The following SPMIP2 variants were observed in gnomAD, a reference collection of about 807,000 sequenced individuals.
SPMIP2 encodes protein SPMIP2.
the SPMIP2 span, among the ~76,000 whole-genome samples, chr4:158,980,020 G>A: frequency 3.3e-3 from 495 of 152,152 alleles, 3 homozygotes; most frequent in African/African-American, 0.011. Context: ...GTTTGGTGGG[G>A]AGGGGTATCC....
chr4:158,982,490 C>A, the SPMIP2 span, among the ~76,000 whole-genome samples: 1 of 152,282 alleles, frequency 6.6e-6, no homozygotes, highest in South Asian at 2.1e-4. Context: ...CACTCCTCAG[C>A]AAATGCAAAA....
the SPMIP2 span, chr4:159,064,339 A>C: frequency 1.3e-5 from 2 of 152,240 alleles, no homozygotes; most frequent in African/African-American, 2.4e-5. Flanking sequence ...GAGAAAGAGT[A>C]GAACAAGGAG....
At chr4:158,956,888 G>A in the SPMIP2 span, among the ~76,000 whole-genome samples, 1 of 152,072 alleles carries the variant, frequency 6.6e-6, no homozygotes, top group Non-Finnish European at 1.5e-5. Flanking sequence ...CTCAAGATGG[G>A]CCTGTAAAAA....
chr4:158,936,464 G>A, the SPMIP2 span, among the ~76,000 whole-genome samples: 6 of 152,180 alleles, frequency 3.9e-5, no homozygotes, highest in Admixed American at 2.6e-4. Context: ...TTAAAAGCAC[G>A]ACCTGTTTCC....
chr4:158,982,377 A>G, the SPMIP2 span, among the ~76,000 whole-genome samples: 1 of 152,208 alleles, frequency 6.6e-6, no homozygotes, highest in East Asian at 1.9e-4. Flanking sequence ...AGCAGACCTA[A>G]CAGACATCCA....
At chr4:158,990,805 A>T in the SPMIP2 span, among the ~76,000 whole-genome samples, 4 of 152,202 alleles carry the variant, frequency 2.6e-5, no homozygotes, top group African/African-American at 9.6e-5. Context: ...TGGTGGGTGC[A>T]GCAAACCACC....
the SPMIP2 span, among the ~76,000 whole-genome samples, chr4:159,037,573 G>A: frequency 6.6e-6 from 1 of 151,792 alleles, no homozygotes. Flanking sequence ...GAGCCCAGGA[G>A]TTTGAAACTA....
chr4:159,009,660 T>A, the SPMIP2 span, among the ~76,000 whole-genome samples: 4 of 152,232 alleles, frequency 2.6e-5, no homozygotes, highest in South Asian at 8.3e-4. Flanking sequence ...ATTGAGAGGC[T>A]CTCATAAGGG....
At chr4:159,048,731 C>CTTTTTTTTTT in the SPMIP2 span, among the ~76,000 whole-genome samples, 1 of 111,470 alleles carries the variant, frequency 9.0e-6, no homozygotes, top group Admixed American at 9.8e-5. Context: ...TCCCCTTCCA[C>CTTTTTTTTTT]TTTTTTTTTT....
chr4:159,001,229 T>A, the SPMIP2 span, among the ~76,000 whole-genome samples: 2 of 152,160 alleles, frequency 1.3e-5, no homozygotes, highest in African/African-American at 2.4e-5. Context: ...TAATTTGCAA[T>A]CTCTAATGAC....
chr4:158,991,997 T>G, the SPMIP2 span, among the ~76,000 whole-genome samples: 1 of 152,200 alleles, frequency 6.6e-6, no homozygotes, highest in Admixed American at 6.5e-5. Flanking sequence ...GCTCCAGGGA[T>G]CCTCCTGACT....
At chr4:159,080,137 T>C in the SPMIP2 span, among the ~76,000 whole-genome samples, 1 of 152,174 alleles carries the variant, frequency 6.6e-6, no homozygotes, top group Non-Finnish European at 1.5e-5. Context: ...TACAGACTTT[T>C]TCTCTCGCCT....
the SPMIP2 span, among the ~76,000 whole-genome samples, chr4:158,935,433 GACTCCT>G: frequency 1.1e-4 from 16 of 152,222 alleles, no homozygotes; most frequent in East Asian, 3.1e-3. Context: ...TAGTCATGTT[GACTCCT>G]TCCCTCAGTA....
chr4:159,012,350 C>T, the SPMIP2 span, among the ~76,000 whole-genome samples: 10 of 152,222 alleles, frequency 6.6e-5, no homozygotes, highest in East Asian at 5.8e-4. Context: ...TACATGATTA[C>T]GTGTAATGTG....
the SPMIP2 span, among the ~76,000 whole-genome samples, chr4:159,077,064 G>A: frequency 1.6e-4 from 24 of 152,112 alleles, no homozygotes; most frequent in Admixed American, 1.6e-3. Flanking sequence ...TCGAACTCCT[G>A]ACCTCAGGTG....
chr4:159,055,938 T>TA, the SPMIP2 span, among the ~76,000 whole-genome samples: 1 of 152,066 alleles, frequency 6.6e-6, no homozygotes, highest in South Asian at 2.1e-4. Context: ...CTCACAAATG[T>TA]AAATGTATGC....
At chr4:158,908,563 T>C in the SPMIP2 span, among the ~76,000 whole-genome samples, 2 of 152,230 alleles carry the variant, frequency 1.3e-5, no homozygotes, top group Non-Finnish European at 2.9e-5. Flanking sequence ...GAAAACTGCG[T>C]TTCCAATGGT....
chr4:159,077,117 C>A, the SPMIP2 span, among the ~76,000 whole-genome samples: 1 of 149,714 alleles, frequency 6.7e-6, no homozygotes, highest in Non-Finnish European at 1.5e-5. Context: ...ATTACAGGCG[C>A]GAGCCACTGC....
At chr4:158,951,945 G>A in the SPMIP2 span, among the ~76,000 whole-genome samples, 1 of 152,212 alleles carries the variant, frequency 6.6e-6, no homozygotes, top group Non-Finnish European at 1.5e-5. Context: ...AAATCACTTT[G>A]TCTAAATTCC....
Sources: allele counts gnomAD v4.1 joint callset (sites outside exome capture counted in the v4.1 genomes callset), GRCh38; gene constraint gnomAD v4.1.1; transcripts MANE v1.5; gene names NCBI Gene and HGNC (gene_info 2026-07-23, HGNC 2026-07-21).